EXT2: variants seen among roughly 807,000 people sequenced by gnomAD.
EXT2 encodes the protein exostosin-2.
In EXT2, 53 loss-of-function variants were observed where a neutral mutation model predicts 81.6. The observed-to-expected ratio is 0.65, with a 90% CI of 0.52 to 0.82. EXT2 has a LOEUF of 0.82. EXT2 is among the 40% of genes least tolerant of loss of function. The pLI, the probability that EXT2 is intolerant of heterozygous loss-of-function variation, is 0.00. For synonymous variants in EXT2, 320 were observed against 340.0 expected, an observed-to-expected ratio of 0.94 and a Z score of 0.65; for missense variants, 774 against 910.2, an observed-to-expected ratio of 0.85 and a Z score of 1.93.
chr11:44,242,384 G>T (rs1303450122), intron 13 of EXT2, among the ~76,000 whole-genome samples: 1 of 152,108 alleles, frequency 6.6e-6, no homozygotes, highest in Non-Finnish European at 1.5e-5. Flanking sequence ...TCTTTTCCCA[G>T]TCTCCCTTCA....
chr11:44,164,487 A>G (rs565059761), intron 7 of EXT2, among the ~76,000 whole-genome samples: 56 of 152,314 alleles, frequency 3.7e-4, no homozygotes, highest in Non-Finnish European at 7.4e-4. Flanking sequence ...TTAAATACTT[A>G]TTATTGCTAA....
intron 8 of EXT2, among the ~76,000 whole-genome samples, chr11:44,183,475 C>T (rs1450485546): frequency 6.6e-6 from 1 of 152,094 alleles, no homozygotes; most frequent in African/African-American, 2.4e-5. Flanking sequence ...AAAGGTTCTT[C>T]TTTAATCCAT....
rs184296556 is a variant in EXT2 at position 44,194,110 on chromosome 11, G to T, written c.1306-3719G>T. Among the ~76,000 whole-genome samples, 27 of 152,308 alleles carry T rather than the reference G, an allele frequency of 1.8e-4. No individual in the cohort carries two copies. In the East Asian group the frequency reaches 4.6e-3, roughly 26 times the overall value. On this transcript the variant is annotated intron_variant, in intron 8 of 13. Coordinates refer to ENST00000533608, the MANE Select transcript of EXT2 (RefSeq NM_207122.2). The stretch of plus-strand genomic sequence containing the variant: ...GAGCCTAAGCTTTGCATCTCTTAGG[G>T]AATTTTCCTCTCTTCTTAATGTCAT...
In EXT2 at chr11:44,234,202, A is replaced by G. The variant is rs1334534184; in HGVS notation, c.1894A>G (p.Asn632Asp). The part of the protein sequence containing the change: ...AHMNCEDIAM[N>D]FLVANVTGKA... ...TATGAACTGTGAAGATATTGCCATG[A>G]ACTTCCTGGTGGCCAACGTCACGGG... The change falls in exon 12 of 14, where the codon AAC becomes GAC. Residue 632 changes from asparagine to aspartate, a missense_variant. Coordinates refer to ENST00000533608, the MANE Select transcript of EXT2 (RefSeq NM_207122.2). 3 of 1,614,180 alleles carry G rather than the reference A, an allele frequency of 1.9e-6. No individual in the cohort carries two copies. Among genetic ancestry groups the G allele is most frequent in the South Asian group, 2.2e-5 (2 of 91,082 alleles).
At chr11:44,102,195 C>A (rs2134951300) in intron 1 of EXT2, among the ~76,000 whole-genome samples, 1 of 152,202 alleles carries the variant, frequency 6.6e-6, no homozygotes, top group East Asian at 1.9e-4. Flanking sequence ...AGCTGTACAG[C>A]AAAGAAAGTA....
At chr11:44,125,424 T>C (rs1954386045) in intron 5 of EXT2, among the ~76,000 whole-genome samples, 1 of 152,118 alleles carries the variant, frequency 6.6e-6, no homozygotes, top group Non-Finnish European at 1.5e-5. Context: ...TTAGGGGTTG[T>C]TTTGATTGTT....
chr11:44,136,357 A>G (rs1389267198), intron 7 of EXT2, among the ~76,000 whole-genome samples: 1 of 152,202 alleles, frequency 6.6e-6, no homozygotes, highest in Non-Finnish European at 1.5e-5. Flanking sequence ...ACGTAAAGTA[A>G]TCCTCCCAAG....
intron 7 of EXT2, among the ~76,000 whole-genome samples, chr11:44,148,023 G>A (rs1954744329): frequency 6.6e-6 from 1 of 152,058 alleles, no homozygotes; most frequent in Non-Finnish European, 1.5e-5. Flanking sequence ...GCAGTCATGT[G>A]CATCTGTTTC....
chr11:44,216,068 G>A (rs566719643), intron 10 of EXT2, among the ~76,000 whole-genome samples: 1 of 151,936 alleles, frequency 6.6e-6, no homozygotes, highest in East Asian at 1.9e-4. Flanking sequence ...AGTAGAGACG[G>A]GGTTTCACCT....
intron 10 of EXT2, among the ~76,000 whole-genome samples, chr11:44,212,682 C>T (rs1276600124): frequency 6.6e-6 from 1 of 152,148 alleles, no homozygotes; most frequent in Non-Finnish European, 1.5e-5. Context: ...AAACTAGAAA[C>T]ATCAGCTGGT....
intron 6 of EXT2, among the ~76,000 whole-genome samples, chr11:44,127,805 A>G (rs561341802): frequency 2.6e-4 from 40 of 152,198 alleles, no homozygotes; most frequent in Admixed American, 3.3e-4. Flanking sequence ...TCTAGAGTCT[A>G]TTGAATTTGC....
At chr11:44,187,015 T>C (rs570704427) in intron 8 of EXT2, among the ~76,000 whole-genome samples, 51 of 142,070 alleles carry the variant, frequency 3.6e-4, no homozygotes, top group African/African-American at 1.3e-3. Context: ...CCTTCCTTCC[T>C]TCCTTCCTTC....
intron 8 of EXT2, among the ~76,000 whole-genome samples, chr11:44,190,448 G>T (rs907388014): frequency 2.0e-5 from 3 of 152,132 alleles, no homozygotes; most frequent in African/African-American, 7.2e-5. Context: ...TGTATAGCAG[G>T]CCTGTCCTCT....
At chr11:44,229,666 T>G (rs994128724) in intron 10 of EXT2, among the ~76,000 whole-genome samples, 1 of 152,214 alleles carries the variant, frequency 6.6e-6, no homozygotes. Context: ...TAGTGGGGAA[T>G]TAGGACTGTG....
chr11:44,208,824 C>T (rs765235891), intron 10 of EXT2, among the ~76,000 whole-genome samples: 11 of 152,100 alleles, frequency 7.2e-5, no homozygotes, highest in South Asian at 2.1e-4. Context: ...GATTTAAATC[C>T]GAATTTTTCT....
At chr11:44,215,072 G>T (rs1006051475) in intron 10 of EXT2, among the ~76,000 whole-genome samples, 1 of 152,008 alleles carries the variant, frequency 6.6e-6, no homozygotes, top group African/African-American at 2.4e-5. Flanking sequence ...CAACTTTTGA[G>T]TTTTGTTGAT....
intron 8 of EXT2, among the ~76,000 whole-genome samples, chr11:44,176,185 G>T (rs1363320020): frequency 6.6e-6 from 1 of 152,078 alleles, no homozygotes; most frequent in African/African-American, 2.4e-5. Context: ...ATTCTGTCTG[G>T]TCATGACCCA....
chr11:44,118,697 T>C (rs1954257840), intron 4 of EXT2, among the ~76,000 whole-genome samples: 6 of 152,180 alleles, frequency 3.9e-5, no homozygotes, highest in Non-Finnish European at 1.5e-5. Context: ...GAAACTGATA[T>C]AATTCAGTGC....
chr11:44,208,100 G>A (rs1955605291), intron 10 of EXT2, among the ~76,000 whole-genome samples: 1 of 152,104 alleles, frequency 6.6e-6, no homozygotes, highest in African/African-American at 2.4e-5. Flanking sequence ...TTACAGCACA[G>A]TGTCTAGGGT....
Sources: allele counts gnomAD v4.1 joint callset (sites outside exome capture counted in the v4.1 genomes callset), GRCh38; gene constraint gnomAD v4.1.1; transcripts MANE v1.5; gene names NCBI Gene and HGNC (gene_info 2026-07-23, HGNC 2026-07-21).